The following RIMBP2 variants were observed in gnomAD, a reference collection of about 807,000 sequenced individuals.
The protein encoded by RIMBP2 is RIMS binding protein 2, also known as RIMS-binding protein 2.
Under a neutral mutation model 118.6 loss-of-function variants are expected in RIMBP2, and 48 were observed. The observed-to-expected ratio is 0.40, with a 90% CI of 0.32 to 0.51. The LOEUF is 0.51. Ranked by LOEUF, RIMBP2 falls within the 20% of genes least tolerant of loss-of-function variation. The pLI is 0.41. For missense variants in RIMBP2, 1,551 were observed against 1,768.3 expected, an observed-to-expected ratio of 0.88 and a Z score of 2.20; for synonymous variants, 762 against 742.9, an observed-to-expected ratio of 1.03 and a Z score of -0.42.
chr12:130,668,879 A>G (rs1354076267), intron 1 of RIMBP2, among the ~76,000 whole-genome samples: 1 of 152,176 alleles, frequency 6.6e-6, no homozygotes, highest in Non-Finnish European at 1.5e-5. Context: ...TGCACCCTCC[A>G]TGTTAAGCCA....
intron 2 of RIMBP2, among the ~76,000 whole-genome samples, chr12:130,556,935 A>G (rs1345635494): frequency 6.6e-6 from 1 of 152,110 alleles, no homozygotes; most frequent in Non-Finnish European, 1.5e-5. Flanking sequence ...TCTTGATCTA[A>G]ACAAGATGGT....
chr12:130,467,535 T>A (rs776870658), intron 6 of RIMBP2, among the ~76,000 whole-genome samples: 3 of 152,162 alleles, frequency 2.0e-5, no homozygotes, highest in Non-Finnish European at 4.4e-5. Context: ...AAAACTCCAG[T>A]CTCCAAATTC....
At position 130,424,314 on chromosome 12, in the gene RIMBP2, T is replaced by C. The variant is rs1717859931; in HGVS notation, c.2957A>G (p.Asn986Ser). The C allele has an allele frequency of 2.4e-6, 3 of 1,231,378 alleles. No individual in the cohort carries two copies. Among genetic ancestry groups the C allele is most frequent in the Non-Finnish European group, 3.0e-6 (3 of 987,772 alleles). The allele number at this position is 1,231,378 out of a possible 1,614,324, so 76.3% of individuals were successfully genotyped here. The change falls in exon 16 of 23, where the codon AAC becomes AGC. Residue 986 changes from asparagine (N) to serine (S), a missense_variant. Asn to Ser is a conservative substitution (Grantham distance 46). Transcript: ENST00000690449. This position sits in a 1 kb window ranked among gnomAD's most constrained non-coding sequence, Gnocchi z 9.8. The part of the protein sequence containing the change: ...EQVGPGGLLR[N>S]DDPQPGPERP... Reference sequence around the variant, plus strand: ...CTCCGGGCCGGGCTGGGGGTCGTCGTTCCTGAGGAGGCCACCAGGGCCCAC... The same window carrying C: ...CTCCGGGCCGGGCTGGGGGTCGTCGCTCCTGAGGAGGCCACCAGGGCCCAC...
chr12:130,517,118 C>T (rs1361623896), intron 3 of RIMBP2, among the ~76,000 whole-genome samples: 1 of 152,118 alleles, frequency 6.6e-6, no homozygotes, highest in Admixed American at 6.5e-5. Context: ...GCACTCTGCC[C>T]TCATGAATGG....
At chr12:130,410,761 T>A (rs1396954124) in intron 19 of RIMBP2, among the ~76,000 whole-genome samples, 1 of 152,234 alleles carries the variant, frequency 6.6e-6, no homozygotes, top group Non-Finnish European at 1.5e-5. Flanking sequence ...TTAGCATACC[T>A]CTATAGTAGT....
chr12:130,575,768 C>A (rs1465995272), intron 2 of RIMBP2, among the ~76,000 whole-genome samples: 5 of 152,196 alleles, frequency 3.3e-5, no homozygotes, highest in Non-Finnish European at 7.3e-5. Flanking sequence ...TCAGATGTGG[C>A]TGCCCTGGAG....
At chr12:130,566,528 C>G (rs1276736066) in intron 2 of RIMBP2, among the ~76,000 whole-genome samples, 1 of 152,208 alleles carries the variant, frequency 6.6e-6, no homozygotes. Context: ...ATTTTATGAA[C>G]AGCCTATGGA....
chr12:130,670,506 C>T lies in RIMBP2; in HGVS notation c.-351-42050G>A, dbSNP rs1404614288. ...TCCCTCCAACTGAGGCACCCTTCCC[C>T]CAGGGGTTCCATGGTCAGCTCCTTA... is the stretch of plus-strand genomic sequence containing the variant. On this transcript the variant is annotated intron_variant, in intron 1 of 22. Coordinates refer to ENST00000690449, the MANE Select transcript of RIMBP2 (RefSeq NM_001393629.1). The surrounding 1 kb of genome is among the most constrained non-coding windows in gnomAD (Gnocchi z 4.9). Among the ~76,000 whole-genome samples, 1 of 152,154 alleles carries T rather than the reference C, an allele frequency of 6.6e-6. No homozygotes were observed. The highest frequency in any genetic ancestry group is 1.5e-5 in the Non-Finnish European group (1 of 68,020).
intron 1 of RIMBP2, among the ~76,000 whole-genome samples, chr12:130,702,013 T>C (rs2065879159): frequency 6.6e-6 from 1 of 152,120 alleles, no homozygotes; most frequent in African/African-American, 2.4e-5. Flanking sequence ...ATGTGGATGT[T>C]GCTCCCTGTG....
chr12:130,554,943 G>A (rs994486026), intron 2 of RIMBP2, among the ~76,000 whole-genome samples: 11 of 152,194 alleles, frequency 7.2e-5, no homozygotes, highest in Admixed American at 7.2e-4. Flanking sequence ...AGGCAACGTT[G>A]AACAGCATTC....
chr12:130,526,007 C>G (rs1566197450), intron 2 of RIMBP2, among the ~76,000 whole-genome samples: 1 of 152,024 alleles, frequency 6.6e-6, no homozygotes, highest in Non-Finnish European at 1.5e-5. Flanking sequence ...CCCCAATTTG[C>G]CTCTTATTCT....
intron 2 of RIMBP2, among the ~76,000 whole-genome samples, chr12:130,550,197 CT>C (rs2055610799): frequency 6.6e-6 from 1 of 152,126 alleles, no homozygotes; most frequent in Non-Finnish European, 1.5e-5. Flanking sequence ...GAAGGGATGT[CT>C]ACTGCATCAA....
In RIMBP2 at chr12:130,406,231, A is replaced by G; in HGVS notation, c.3706T>C (p.Phe1236Leu). 6.2e-7 allele frequency: 1 copy of G among 1,603,904 alleles called. No individual in the cohort carries two copies. Among genetic ancestry groups the G allele is most frequent in the Non-Finnish European group, 8.5e-7 (1 of 1,172,982 alleles). The change falls in exon 21 of 23, where the codon TTT (phenylalanine) becomes CTT (leucine). Residue 1236 changes from phenylalanine to leucine, a missense_variant. By Grantham distance (22) the Phe-to-Leu change is conservative. Around this residue, in one of 5 missense-constraint regions of RIMBP2, gnomAD observed 1,038 missense variants for 1,125.1 expected, o/e 0.92. Coordinates refer to ENST00000690449, the MANE Select transcript of RIMBP2 (RefSeq NM_001393629.1). ...ACTGTAATAATATCTCCTGTGCAAA[A>G]TGTAAGTTCGGCCTGTGGAGATGAA... ...PNVDVEAELTFCTGDIITVFG... is the reference protein window; with the variant it reads ...PNVDVEAELTLCTGDIITVFG...
chr12:130,514,334 C>G (rs911916585), intron 3 of RIMBP2, among the ~76,000 whole-genome samples: 1 of 152,200 alleles, frequency 6.6e-6, no homozygotes, highest in African/African-American at 2.4e-5. Flanking sequence ...AAATTCAAAC[C>G]TCAAGCAAAC....
chr12:130,709,074 G>A (rs1439690021), intron 1 of RIMBP2, among the ~76,000 whole-genome samples: 5 of 152,264 alleles, frequency 3.3e-5, no homozygotes, highest in African/African-American at 9.6e-5. Flanking sequence ...ACCCAGCAAC[G>A]TGCCGGCAAC....
At chr12:130,524,405 G>C (rs921655051) in intron 2 of RIMBP2, among the ~76,000 whole-genome samples, 10 of 152,082 alleles carry the variant, frequency 6.6e-5, no homozygotes, top group Non-Finnish European at 2.9e-5. Context: ...GCTGCAGTGA[G>C]CAGGGGATAC....
chr12:130,546,525 G>A (rs927101216), intron 2 of RIMBP2, among the ~76,000 whole-genome samples: 1 of 152,036 alleles, frequency 6.6e-6, no homozygotes, highest in African/African-American at 2.4e-5. Context: ...CAAATTCCCG[G>A]CCTCAAGTGA....
chr12:130,664,435 G>GCACACA (rs1362551497), intron 1 of RIMBP2, among the ~76,000 whole-genome samples: 5 of 56,432 alleles, frequency 8.9e-5, no homozygotes, highest in Admixed American at 1.9e-4. Context: ...ACACATGCAT[G>GCACACA]CACGCACACA....
At position 130,585,650 on chromosome 12, in the gene RIMBP2, C is replaced by T. The variant is rs145474193; in HGVS notation, c.-217+42672G>A. On this transcript the variant is annotated intron_variant, in intron 2 of 22. Transcript: ENST00000690449. ...AAAAAAAGAGGCCAGTTTTTAAAAC[C>T]AGAAGATTCTACATGAGAATCTGGT... Among the ~76,000 whole-genome samples, 370 of 151,064 alleles carry T rather than the reference C, an allele frequency of 2.4e-3. 2 individuals are homozygous for T. The highest frequency in any genetic ancestry group is 5.0e-3 in the African/African-American group (207 of 41,186).
Sources: gnomAD v4.1 joint callset for allele counts (sites outside exome capture counted in the v4.1 genomes callset) on GRCh38, gnomAD v4.1.1 for gene constraint, gnomAD v4.1.1 regional missense constraint, Gnocchi (gnomAD v3.1) non-coding constraint, MANE v1.5 for transcripts, NCBI Gene and HGNC (gene_info 2026-07-23, HGNC 2026-07-21) for gene names.